XPO4: variants seen among roughly 807,000 people sequenced by gnomAD.
The protein encoded by XPO4 is exportin 4.
XPO4 carries 39 observed loss-of-function variants against 143.0 expected under a neutral mutation model. That is an observed-to-expected ratio of 0.27 (90% CI 0.21 to 0.36). The LOEUF (loss-of-function observed/expected upper bound fraction) is 0.36, where lower values mean the gene tolerates loss of function less well. Among genes scored for constraint, XPO4 ranks in the 10% least tolerant of loss-of-function variants. The probability of loss-of-function intolerance (pLI) is 1.00; values close to 1 mark genes in which losing one functional copy is unlikely to be tolerated. For synonymous variants in XPO4, 439 were observed against 474.0 expected (o/e 0.93, Z 0.96); for missense variants, 907 against 1,348.0 (o/e 0.67, Z 5.12).
At chr13:20,855,526 T>C (rs2060135575) in intron 4 of XPO4, 101 bp downstream of exon 4, 1 of 1,179,276 alleles carries the variant, frequency 8.5e-7, no homozygotes, top group South Asian at 2.4e-5. Context: ...GATAGCTTTT[T>C]CACTATTTTT....
At chr13:20,840,250 C>T (rs1730775065) in intron 6 of XPO4, among the ~76,000 whole-genome samples, 1 of 151,602 alleles carries the variant, frequency 6.6e-6, no homozygotes, top group African/African-American at 2.4e-5. Context: ...CTTCTGTCGC[C>T]CAGGGTGAGT....
intron 17 of XPO4, 33 bp from the exon 18 acceptor site, chr13:20,796,289 C>G (rs2059357537): frequency 1.4e-6 from 2 of 1,481,330 alleles, no homozygotes; most frequent in African/African-American, 2.8e-5. Flanking sequence ...AATTATGCTA[C>G]TTGGTACACT....
At position 20,803,462 on chromosome 13, in the gene XPO4, C is replaced by T. The variant is rs1345960244; in HGVS notation, c.1818-2472G>A. On this transcript the variant is annotated intron_variant, in intron 13 of 22. Transcript: ENST00000255305. The surrounding 1 kb of genome is among the most constrained non-coding windows in gnomAD (Gnocchi z 4.1). The stretch of plus-strand genomic sequence containing the variant: ...AGTCAGGCAGGTCCAGGGGAGGCAC[C>T]CAGGGGCCTTTCTTCTACCTCAGAA... 3.3e-5 allele frequency among the ~76,000 whole-genome samples: 5 copies of T among 152,150 alleles called. No homozygotes were observed. The highest frequency in any genetic ancestry group is 3.3e-4 in the Admixed American group (5 of 15,274).
chr13:20,825,703 G>A (rs2059776159), intron 7 of XPO4, among the ~76,000 whole-genome samples: 1 of 152,090 alleles, frequency 6.6e-6, no homozygotes, highest in African/African-American at 2.4e-5. Flanking sequence ...ACTTGGACTT[G>A]GATTCGTATC....
chr13:20,822,334 G>T lies in XPO4; in HGVS notation c.841-45C>A, dbSNP rs760013514. On this transcript the variant is annotated intron_variant, in intron 7 of 22. Transcript: ENST00000255305. ...ATCCATAAATATAAATTCTTCCTTT[G>T]TAAGGGTCACGTGTCTACCATGCCG... is the stretch of plus-strand genomic sequence containing the variant. The T allele has an allele frequency of 1.6e-5, 25 of 1,561,406 alleles. No individual in the cohort carries two copies. The African/African-American group carries it at 2.4e-4, about 15-fold the overall frequency.
chr13:20,846,599 C>T (rs1454856877), intron 4 of XPO4, among the ~76,000 whole-genome samples: 1 of 152,178 alleles, frequency 6.6e-6, no homozygotes, highest in African/African-American at 2.4e-5. Flanking sequence ...GCCCCCTGAA[C>T]ACGTAAGAAT....
chr13:20,851,843 G>A (rs751816998), intron 4 of XPO4: 1 of 985,324 alleles, frequency 1.0e-6, no homozygotes, highest in Non-Finnish European at 1.2e-6. Context: ...TATGAAGAGA[G>A]CAAAATCTTC....
intron 1 of XPO4, among the ~76,000 whole-genome samples, chr13:20,882,288 T>G (rs1412985365): frequency 6.6e-6 from 1 of 152,002 alleles, no homozygotes; most frequent in Non-Finnish European, 1.5e-5. Flanking sequence ...ATTTGGCTCA[T>G]GTTTCTGCAA....
intron 9 of XPO4, among the ~76,000 whole-genome samples, chr13:20,813,954 T>C (rs2059616019): frequency 6.9e-6 from 1 of 144,568 alleles, no homozygotes; most frequent in African/African-American, 2.6e-5. Context: ...CAAGACGCTG[T>C]CTCAAAAAAA....
intron 6 of XPO4, among the ~76,000 whole-genome samples, chr13:20,829,766 G>T (rs569942122): frequency 6.6e-6 from 1 of 152,124 alleles, no homozygotes; most frequent in Non-Finnish European, 1.5e-5. Flanking sequence ...TACAGCAAGG[G>T]GGGCAACAGT....
At chr13:20,882,638 A>G (rs56663064) in intron 1 of XPO4, among the ~76,000 whole-genome samples, 5,812 of 152,148 alleles carry the variant, frequency 0.038, 381 homozygotes, top group African/African-American at 0.13. Context: ...TTGTAATCCT[A>G]GCCCTTTGGG....
chr13:20,862,889 C>A, intron 2 of XPO4, 31 bp from the exon 3 acceptor site: 1 of 1,609,056 alleles, frequency 6.2e-7, no homozygotes, highest in Non-Finnish European at 8.5e-7. Context: ...TTTATTTAAA[C>A]AATAATTCAT....
chr13:20,832,736 C>T (rs566990451), intron 6 of XPO4, among the ~76,000 whole-genome samples: 9 of 152,276 alleles, frequency 5.9e-5, no homozygotes, highest in African/African-American at 1.9e-4. Context: ...GTCTTATAGA[C>T]AACACAGTCC....
Position 20,807,500 on chromosome 13 carries a change from C to T in XPO4, c.1774G>A (p.Ala592Thr). 1 of 1,613,600 alleles carries T rather than the reference C, an allele frequency of 6.2e-7. No individual in the cohort carries two copies. Among genetic ancestry groups the T allele is most frequent in the South Asian group, 1.1e-5 (1 of 91,006 alleles). ...LQILGSPGEK[A>T]SSIPGYNRTD... is the part of the protein sequence containing the mutation. Reference sequence around the variant, plus strand: ...CTGTTGTACCCTGGGATGGAAGAAGCCTTTTCTCCTGGAGATCCCAAAATT... The same window carrying T: ...CTGTTGTACCCTGGGATGGAAGAAGTCTTTTCTCCTGGAGATCCCAAAATT... The change falls in exon 13 of 23, where the codon GCT becomes ACT. Residue 592 changes from alanine (A) to threonine (T), a missense_variant. Coordinates refer to ENST00000255305, the MANE Select transcript of XPO4 (RefSeq NM_022459.5).
At chr13:20,889,852 T>G (rs919013930) in intron 1 of XPO4, among the ~76,000 whole-genome samples, 3 of 139,482 alleles carry the variant, frequency 2.2e-5, no homozygotes, top group Non-Finnish European at 3.3e-5. Context: ...GGTAGGTGTA[T>G]ATATAAAGTT....
intron 1 of XPO4, among the ~76,000 whole-genome samples, chr13:20,891,064 C>A (rs1006291991): frequency 9.0e-5 from 13 of 144,500 alleles, no homozygotes; most frequent in Non-Finnish European, 1.8e-4. Context: ...TTGCTGTAAG[C>A]CAAGATCAAG....
chr13:20,881,936 C>T (rs541087929), intron 1 of XPO4, among the ~76,000 whole-genome samples: 1 of 151,432 alleles, frequency 6.6e-6, no homozygotes, highest in Non-Finnish European at 1.5e-5. Context: ...GGTGAAACCC[C>T]GTCTCTACTA....
Position 20,865,391 on chromosome 13 carries a change from C to A in XPO4, c.176-2533G>T, listed in dbSNP as rs569353905. ...ACCTCAAGTGATCCACCCACCTCAG[C>A]CTCCCAAAGTGCTGGGATTACAGGT... On this transcript the variant is annotated intron_variant, in intron 2 of 22. Coordinates refer to ENST00000255305, the MANE Select transcript of XPO4 (RefSeq NM_022459.5). The A allele has an allele frequency of 5.3e-5, 46 of 863,352 alleles. No individual in the cohort carries two copies. In the African/African-American group the frequency reaches 7.1e-4, roughly 13 times the overall value. The allele number at this position is 863,352 out of a possible 1,614,324, so 53.5% of individuals were successfully genotyped here.
Position 20,794,589 on chromosome 13 carries a change from T to C in XPO4, c.2797+1487A>G, listed in dbSNP as rs371250460. ...TGTATTAGTAAGAGGTTAAGAATGC[T>C]GGGCACAGTGGCTCACACCTGTAAT... On this transcript the variant is annotated intron_variant, in intron 18 of 22. Transcript: ENST00000255305. Among the ~76,000 whole-genome samples the C allele has an allele frequency of 1.5e-3, 225 of 152,254 alleles. 1 individual carries two copies. In the South Asian group the frequency reaches 0.044, roughly 29 times the overall value.
Sources: allele counts gnomAD v4.1 joint callset (sites outside exome capture counted in the v4.1 genomes callset), GRCh38; gene constraint gnomAD v4.1.1; non-coding constraint Gnocchi (gnomAD v3.1); transcripts MANE v1.5; gene names NCBI Gene and HGNC (gene_info 2026-07-23, HGNC 2026-07-21).